PDS5B: variants seen among roughly 807,000 people sequenced by gnomAD.
PDS5B encodes sister chromatid cohesion protein PDS5 homolog B.
PDS5B carries 51 observed loss-of-function variants against 184.1 expected under a neutral mutation model. The ratio of observed to expected loss-of-function variants is 0.28; its 90% CI spans 0.22 to 0.35. The LOEUF is 0.35. PDS5B is among the 10% of genes least tolerant of loss of function. PDS5B has a pLI of 1.00. For synonymous variants in PDS5B, 566 were observed against 569.2 expected, an observed-to-expected ratio of 0.99 and a Z score of 0.08; for missense variants, 1,180 against 1,723.3, an observed-to-expected ratio of 0.68 and a Z score of 5.58.
intron 24 of PDS5B, among the ~76,000 whole-genome samples, chr13:32,752,802 G>A (rs1954033053): frequency 6.6e-6 from 1 of 152,156 alleles, no homozygotes; most frequent in Non-Finnish European, 1.5e-5. Context: ...AAATGGATTA[G>A]TAATCCTTAC....
Position 32,742,420 on chromosome 13 carries a change from G to C in PDS5B, c.2476-171G>C, listed in dbSNP as rs1953590553. Among the ~76,000 whole-genome samples the C allele has an allele frequency of 2.6e-5, 4 of 151,940 alleles. No homozygotes were observed. In the South Asian group the frequency reaches 8.3e-4, roughly 32 times the overall value. ...AAATCATTCTTTTGCCATTTTCTTG[G>C]ATGTTTGAAACATCTTTAAAACATT... On this transcript the variant is annotated intron_variant, in intron 22 of 34. Transcript: ENST00000315596.
At chr13:32,705,828 G>A (rs537131885) in intron 17 of PDS5B, among the ~76,000 whole-genome samples, 43 of 152,102 alleles carry the variant, frequency 2.8e-4, no homozygotes, top group African/African-American at 9.9e-4. Flanking sequence ...ACCATGCCAG[G>A]CTAATTTTTT....
In PDS5B at chr13:32,732,244, CTTG is replaced by C. The variant is rs762276588; in HGVS notation, c.2247+23_2247+25del. 2 of 1,567,320 alleles carry C rather than the reference CTTG, an allele frequency of 1.3e-6. No individual in the cohort carries two copies. Among genetic ancestry groups the C allele is most frequent in the African/African-American group, 2.7e-5 (2 of 73,678 alleles). ...TTTGAGGTAATGAGAAAAAAATTTT[CTTG>C]TTTATTTCATATGTCATAGTTACAA... On this transcript the variant is annotated intron_variant, in intron 20 of 34. Coordinates refer to ENST00000315596, the MANE Select transcript of PDS5B (RefSeq NM_015032.4).
At chr13:32,672,371 G>C (rs1172076720) in intron 7 of PDS5B, among the ~76,000 whole-genome samples, 1 of 151,962 alleles carries the variant, frequency 6.6e-6, no homozygotes, top group African/African-American at 2.4e-5. Flanking sequence ...TATTGAGTGA[G>C]TGTATGTATA....
At chr13:32,592,473 TCTCGAACTCCTGGC>T (rs75188270) in intron 1 of PDS5B, among the ~76,000 whole-genome samples, 6,615 of 152,202 alleles carry the variant, frequency 0.043, 218 homozygotes, top group Non-Finnish European at 0.059. Context: ...GCCAGGCTGG[TCTCGAACTCCTGGC>T]CTCAGGTGAT....
Position 32,758,170 on chromosome 13 carries a change from T to C in PDS5B, c.3140T>C (p.Ile1047Thr), listed in dbSNP as rs1400662234. ...TTTATCAGAAAGATGGTAGAAAATA[T>C]TAAACAAACAAAAGATGCCCAAGGA... Reference protein sequence around the residue: ...HAFIRKMVENIKQTKDAQGPD... With the variant: ...HAFIRKMVENTKQTKDAQGPD... Residue 1047 changes from isoleucine (I) to threonine (T), a missense_variant, in exon 27 of 35, where the codon ATT (isoleucine) becomes ACT (threonine). This residue lies in a region of PDS5B where 465 missense variants were observed against 497.8 expected (regional missense o/e 0.93). Transcript: ENST00000315596. 5 of 1,546,936 alleles carry C rather than the reference T, an allele frequency of 3.2e-6. No homozygotes were observed. The highest frequency in any genetic ancestry group is 1.2e-5 in the South Asian group (1 of 83,896).
intron 1 of PDS5B, among the ~76,000 whole-genome samples, chr13:32,606,375 A>G (rs184996335): frequency 1.5e-3 from 225 of 152,242 alleles, no homozygotes; most frequent in African/African-American, 4.8e-3. Flanking sequence ...TCTTTTCTTT[A>G]AGAATGTTGA....
chr13:32,627,556 G>A (rs540556637), intron 1 of PDS5B, among the ~76,000 whole-genome samples: 1 of 152,048 alleles, frequency 6.6e-6, no homozygotes, highest in East Asian at 1.9e-4. Flanking sequence ...TTTTCTAGCA[G>A]AACCATTTTC....
chr13:32,623,534 A>G (rs966996965), intron 1 of PDS5B, among the ~76,000 whole-genome samples: 2 of 152,204 alleles, frequency 1.3e-5, no homozygotes. Context: ...AGTCTGACCT[A>G]TGTATAGGAA....
intron 1 of PDS5B, among the ~76,000 whole-genome samples, chr13:32,631,109 TTTTTCTTTC>T (rs1381854598): frequency 7.3e-6 from 1 of 136,968 alleles, no homozygotes; most frequent in East Asian, 2.0e-4. Context: ...ATTGATTCTT[TTTTTCTTTC>T]TTTTTTTTTT....
Position 32,742,582 on chromosome 13 carries a change from C to G in PDS5B, c.2476-9C>G. On this transcript the variant is annotated splice_polypyrimidine_tract_variant and intron_variant, in intron 22 of 34. Transcript: ENST00000315596. ...CAGTGTTTTATTTGTCGACTTGTCT[C>G]TTAAATAGATTCAGGCTATTAAAAT... is the stretch of plus-strand genomic sequence containing the variant. The G allele has an allele frequency of 2.5e-6, 4 of 1,605,090 alleles. No homozygotes were observed. The highest frequency in any genetic ancestry group is 3.4e-6 in the Non-Finnish European group (4 of 1,175,466).
chr13:32,670,426 C>T (rs1299756325), intron 7 of PDS5B, among the ~76,000 whole-genome samples: 1 of 152,098 alleles, frequency 6.6e-6, no homozygotes, highest in Non-Finnish European at 1.5e-5. Context: ...CAGGGTTTCA[C>T]CATGTTGCCC....
At chr13:32,587,050 G>GT (rs2057695416) in intron 1 of PDS5B, among the ~76,000 whole-genome samples, 1 of 146,224 alleles carries the variant, frequency 6.8e-6, no homozygotes, top group Admixed American at 6.8e-5. Flanking sequence ...GCCGGCGGCT[G>GT]TTTCCCGGGC....
In PDS5B at chr13:32,709,942, A is replaced by T; in HGVS notation, c.1963-4A>T. 1 of 1,356,726 alleles carries T rather than the reference A, an allele frequency of 7.4e-7. No individual in the cohort carries two copies. The highest frequency in any genetic ancestry group is 9.7e-7 in the Non-Finnish European group (1 of 1,032,572). 84.0% of individuals were successfully genotyped at this position (1,356,726 alleles called of 1,614,324 possible). On this transcript the variant is annotated splice_region_variant and splice_polypyrimidine_tract_variant and intron_variant, in intron 18 of 34. Coordinates refer to ENST00000315596, the MANE Select transcript of PDS5B (RefSeq NM_015032.4). The stretch of plus-strand genomic sequence containing the variant: ...ACAAATCATTTTTATGATTCATTTT[A>T]TAGGTACTCTCATTTACACATCCCA...
chr13:32,596,268 G>C (rs1372804283), intron 1 of PDS5B, among the ~76,000 whole-genome samples: 1 of 152,140 alleles, frequency 6.6e-6, no homozygotes, highest in Non-Finnish European at 1.5e-5. Flanking sequence ...ATGTAGATTA[G>C]TTTTGTTCTA....
intron 3 of PDS5B, among the ~76,000 whole-genome samples, chr13:32,652,780 T>C (rs1593341977): frequency 6.9e-6 from 1 of 145,580 alleles, no homozygotes; most frequent in Admixed American, 6.8e-5. Flanking sequence ...AAAGATTCAG[T>C]GAACAAAATT....
In PDS5B at chr13:32,758,611, A is replaced by G; in HGVS notation, c.3267A>G (p.Lys1089=). The G allele has an allele frequency of 6.2e-7, 1 of 1,613,612 alleles. No homozygotes were observed. The highest frequency in any genetic ancestry group is 8.5e-7 in the Non-Finnish European group (1 of 1,179,574). The change falls in exon 28 of 35, where the codon AAA becomes AAG. Residue 1089 remains lysine (K), a synonymous_variant. Transcript: ENST00000315596. Reference sequence around the variant, plus strand: ...CTACATACAGTTTGGAATCTCCTAAAGACCCGGTACTACCAGCTCGTTTCT... The same window carrying G: ...CTACATACAGTTTGGAATCTCCTAAGGACCCGGTACTACCAGCTCGTTTCT... ...KSTTYSLESP[K]DPVLPARFFT... is the part of the protein sequence containing the mutation.
At chr13:32,659,305 G>GC in intron 6 of PDS5B, 25 bp downstream of exon 6, 1 of 1,524,930 alleles carries the variant, frequency 6.6e-7, no homozygotes. Context: ...ATACTGTAAT[G>GC]TGTCTAATGC....
At chr13:32,716,717 C>T (rs1364922612) in intron 19 of PDS5B, among the ~76,000 whole-genome samples, 3 of 124,780 alleles carry the variant, frequency 2.4e-5, no homozygotes, top group East Asian at 2.5e-4. Context: ...AGGTGAGGGG[C>T]GCTTTTGCCC....
Sources: allele counts gnomAD v4.1 joint callset (sites outside exome capture counted in the v4.1 genomes callset), GRCh38; gene constraint gnomAD v4.1.1; regional missense constraint gnomAD v4.1.1; transcripts MANE v1.5; gene names NCBI Gene and HGNC (gene_info 2026-07-23, HGNC 2026-07-21).